KSR2: variants seen among roughly 807,000 people sequenced by gnomAD.
The protein encoded by KSR2 is kinase suppressor of ras 2.
A neutral mutation model predicts 107.8 loss-of-function variants in KSR2; 25 were observed. That is an observed-to-expected ratio of 0.23 (90% CI 0.17 to 0.32). The LOEUF (loss-of-function observed/expected upper bound fraction) is 0.32. KSR2 is among the 10% of genes least tolerant of loss of function. The pLI, the probability that KSR2 is intolerant of heterozygous loss-of-function variation, is 1.00. For missense variants in KSR2, 887 were observed against 1,268.9 expected, an observed-to-expected ratio of 0.70 and a Z score of 4.57; for synonymous variants, 480 against 507.0, an observed-to-expected ratio of 0.95 and a Z score of 0.71.
intron 1 of KSR2, among the ~76,000 whole-genome samples, chr12:117,949,471 C>G (rs984403908): frequency 2.0e-5 from 3 of 152,050 alleles, no homozygotes; most frequent in Non-Finnish European, 4.4e-5. Flanking sequence ...AAAGACAAAG[C>G]TATGGTAAAG....
intron 3 of KSR2, among the ~76,000 whole-genome samples, chr12:117,825,838 G>C (rs1262762336): frequency 1.3e-5 from 2 of 151,562 alleles, no homozygotes; most frequent in South Asian, 2.1e-4. Context: ...TGGATGGATG[G>C]GTAGGTGGAT....
chr12:117,869,395 T>G (rs1023374296), intron 1 of KSR2, among the ~76,000 whole-genome samples: 2 of 152,096 alleles, frequency 1.3e-5, no homozygotes, highest in East Asian at 1.9e-4. Flanking sequence ...AAACAAAGTT[T>G]GAGCATTTCA....
chr12:117,793,890 ACACACCAACATGCACACT>A (rs1345778885), intron 3 of KSR2, among the ~76,000 whole-genome samples: 11 of 145,544 alleles, frequency 7.6e-5, no homozygotes, highest in Non-Finnish European at 1.1e-4. Context: ...TACAACATGC[ACACACCAACATGCACACT>A]CACACCAACA....
At chr12:117,895,151 C>T (rs545594888) in intron 1 of KSR2, among the ~76,000 whole-genome samples, 76 of 152,080 alleles carry the variant, frequency 5.0e-4, no homozygotes, top group African/African-American at 1.6e-3. Context: ...CTGGGAGGAT[C>T]GCTTGAGCCC....
At chr12:117,872,572 A>T (rs1387640226) in intron 1 of KSR2, among the ~76,000 whole-genome samples, 2 of 152,150 alleles carry the variant, frequency 1.3e-5, no homozygotes, top group Admixed American at 6.5e-5. Flanking sequence ...CTCCAAAAAA[A>T]AAAAAAAATC....
chr12:117,586,570 A>G (rs1268585190), intron 5 of KSR2, among the ~76,000 whole-genome samples: 1 of 150,106 alleles, frequency 6.7e-6, no homozygotes, highest in Non-Finnish European at 1.5e-5. Flanking sequence ...CTGGGCAACA[A>G]GAGCCAAACT....
At chr12:117,929,899 T>TA (rs1895648690) in intron 1 of KSR2, among the ~76,000 whole-genome samples, 1 of 152,192 alleles carries the variant, frequency 6.6e-6, no homozygotes, top group Non-Finnish European at 1.5e-5. Context: ...ACAGAGTTTC[T>TA]AATAGGGATG....
chr12:117,506,871 A>G (rs1256402683), intron 14 of KSR2, among the ~76,000 whole-genome samples: 2 of 152,120 alleles, frequency 1.3e-5, no homozygotes, highest in Non-Finnish European at 2.9e-5. Flanking sequence ...ATATATGTAT[A>G]CACACACATA....
intron 14 of KSR2, 46 bp from the exon 15 acceptor site, chr12:117,485,737 G>T: frequency 2.3e-6 from 3 of 1,330,694 alleles, no homozygotes; most frequent in Non-Finnish European, 2.2e-6. Flanking sequence ...TCGTTCAGAA[G>T]AAGGTGACCC....
intron 3 of KSR2, among the ~76,000 whole-genome samples, chr12:117,783,454 C>T (rs1889954390): frequency 6.6e-6 from 1 of 152,158 alleles, no homozygotes; most frequent in South Asian, 2.1e-4. Context: ...TGTCACCCAC[C>T]TCATAGGATT....
chr12:117,804,724 A>G (rs919413746), intron 3 of KSR2, among the ~76,000 whole-genome samples: 2 of 152,192 alleles, frequency 1.3e-5, no homozygotes, highest in Non-Finnish European at 1.5e-5. Context: ...CCTTAAACAT[A>G]TTTAATAATA....
intron 3 of KSR2, among the ~76,000 whole-genome samples, chr12:117,770,547 A>G (rs1427277282): frequency 6.6e-6 from 1 of 151,882 alleles, no homozygotes; most frequent in Non-Finnish European, 1.5e-5. Context: ...AAAGCCCTAG[A>G]TAACTCATTC....
chr12:117,825,651 AT>A (rs1362689485), intron 3 of KSR2, among the ~76,000 whole-genome samples: 1 of 151,840 alleles, frequency 6.6e-6, no homozygotes, highest in Non-Finnish European at 1.5e-5. Flanking sequence ...AAATCATCTC[AT>A]TGTTTCGCTG....
chr12:117,570,833 G>A (rs879484077), intron 7 of KSR2, among the ~76,000 whole-genome samples: 9 of 152,192 alleles, frequency 5.9e-5, no homozygotes, highest in Non-Finnish European at 1.3e-4. Flanking sequence ...GCAGGGCCAG[G>A]ACCTGAACTC....
chr12:117,822,794 A>G (rs896908610), intron 3 of KSR2, among the ~76,000 whole-genome samples: 8 of 152,132 alleles, frequency 5.3e-5, no homozygotes, highest in African/African-American at 1.9e-4. Flanking sequence ...AAGATTCACA[A>G]TTTCAAGGAC....
rs189874787 is a variant in KSR2, at chr12:117,555,421, G to A, written c.1394-128C>T. 9 of 867,764 alleles carry A rather than the reference G, an allele frequency of 1.0e-5. No individual in the cohort carries two copies. In the African/African-American group the frequency reaches 1.5e-4, roughly 15 times the overall value. The allele number at this position is 867,764 out of a possible 1,614,324, so 53.8% of individuals were successfully genotyped here. ...GACTGGAGGACAATTCACTAAAAGT[G>A]ATAATGATTCTGTGGTGGGATCAGG... On this transcript the variant is annotated intron_variant, in intron 8 of 19. Transcript: ENST00000339824.
chr12:117,523,248 C>A (rs1272235036), intron 14 of KSR2, among the ~76,000 whole-genome samples: 1 of 152,186 alleles, frequency 6.6e-6, no homozygotes, highest in Non-Finnish European at 1.5e-5. Flanking sequence ...CAAAGACACA[C>A]CAGCTCTTCT....
At chr12:117,949,786 T>C (rs1896306506) in intron 1 of KSR2, among the ~76,000 whole-genome samples, 1 of 152,194 alleles carries the variant, frequency 6.6e-6, no homozygotes. Flanking sequence ...TGATGGTAAA[T>C]GTTCTATATC....
In KSR2 at chr12:117,704,586, C is replaced by T. The variant is rs186318156; in HGVS notation, c.987-36928G>A. 3.3e-3 allele frequency among the ~76,000 whole-genome samples: 495 copies of T among 152,152 alleles called. 5 individuals are homozygous for T. The highest frequency in any genetic ancestry group is 0.011 in the African/African-American group (472 of 41,524). ...TCAAGACATAATGAAGGGCCAGGTGCGGTGGCTCACAGCTGTAATCCCAGC... is the reference window on the plus strand; with the variant it reads ...TCAAGACATAATGAAGGGCCAGGTGTGGTGGCTCACAGCTGTAATCCCAGC... On this transcript the variant is annotated intron_variant, in intron 4 of 19. Transcript: ENST00000339824.
Sources: gnomAD v4.1 joint callset for allele counts (sites outside exome capture counted in the v4.1 genomes callset) on GRCh38, gnomAD v4.1.1 for gene constraint, MANE v1.5 for transcripts, NCBI Gene and HGNC (gene_info 2026-07-23, HGNC 2026-07-21) for gene names.